Variants in EIF3L observed in about 807,000 individuals in gnomAD.
EIF3L encodes the protein eukaryotic translation initiation factor 3 subunit L.
A neutral mutation model predicts 74.6 loss-of-function variants in EIF3L; 32 were observed. The observed-to-expected ratio is 0.43, with a 90% confidence interval of 0.32 to 0.58. EIF3L has a LOEUF of 0.58. Ranked by LOEUF, EIF3L falls within the 20% of genes least tolerant of loss-of-function variation. The probability of loss-of-function intolerance (pLI) is 0.06; values close to 1 mark genes in which losing one functional copy is unlikely to be tolerated. For missense variants in EIF3L, 474 were observed against 707.8 expected, an observed-to-expected ratio of 0.67 and a Z score of 3.75; for synonymous variants, 256 against 254.4, an observed-to-expected ratio of 1.01 and a Z score of -0.06.
At chr22:37,862,632 C>T (rs2145812416) in intron 5 of EIF3L, among the ~76,000 whole-genome samples, 1 of 152,300 alleles carries the variant, frequency 6.6e-6, no homozygotes, top group East Asian at 1.9e-4. Flanking sequence ...TCTCTTAACT[C>T]CCTAGCCTTC....
intron 6 of EIF3L, 54 bp from the exon 7 acceptor site, chr22:37,863,218 A>C (rs1925954993): frequency 6.7e-7 from 1 of 1,489,940 alleles, no homozygotes; most frequent in Non-Finnish European, 9.3e-7. Context: ...TGCAGCCTAC[A>C]GAATGGGCAG....
At position 37,874,353 on chromosome 22, in the gene EIF3L, G is replaced by A. The variant is rs549079006; in HGVS notation, c.752-17G>A. 8.1e-6 allele frequency: 13 copies of A among 1,612,510 alleles called. No individual in the cohort carries two copies. Among genetic ancestry groups the A allele is most frequent in the South Asian group, 3.3e-5 (3 of 90,802 alleles). On this transcript the variant is annotated splice_polypyrimidine_tract_variant and intron_variant, in intron 8 of 12. Transcript: ENST00000652021. Reference sequence around the variant, plus strand: ...TACCTGCCTCCTATCAGTATTCACGGTGTCTGTCTCTTTCAGGTGACCCTG... The same window carrying A: ...TACCTGCCTCCTATCAGTATTCACGATGTCTGTCTCTTTCAGGTGACCCTG...
chr22:37,853,821 T>C (rs1402693791), intron 3 of EIF3L, among the ~76,000 whole-genome samples: 3 of 152,350 alleles, frequency 2.0e-5, no homozygotes, highest in South Asian at 4.1e-4. Flanking sequence ...GTTTAGATTT[T>C]ATAGAGTTTA....
In EIF3L at chr22:37,874,460, A is replaced by C; in HGVS notation, c.842A>C (p.His281Pro). ...YFSLVGLLRL[H>P]SLLGDYYQAI... ...AGCCTGGTCGGGCTTCTCCGCCTGC[A>C]CTCCCTGTTAGGAGATTACTACCAG... is the stretch of plus-strand genomic sequence containing the variant. Residue 281 changes from histidine to proline, a missense_variant, in exon 9 of 13, where the codon CAC becomes CCC. Physicochemically the swap from His to Pro is moderately conservative, Grantham distance 77 (BLOSUM62 -2). Transcript: ENST00000652021. 6.2e-7 allele frequency: 1 copy of C among 1,613,954 alleles called. No individual in the cohort carries two copies. Among genetic ancestry groups the C allele is most frequent in the Non-Finnish European group, 8.5e-7 (1 of 1,179,976 alleles).
Position 37,856,161 on chromosome 22 carries a change from G to A in EIF3L, c.373+517G>A, listed in dbSNP as rs540186472. Among the ~76,000 whole-genome samples, 628 of 151,980 alleles carry A rather than the reference G, an allele frequency of 4.1e-3. 1 individual carries two copies. Among genetic ancestry groups the A allele is most frequent in the Non-Finnish European group, 6.5e-3 (444 of 67,984 alleles). ...CAACCTCCGCCTCCCAGGTTCAAGC[G>A]ATTCTCCTAGGTTCAAGCAATTCTC... On this transcript the variant is annotated intron_variant, in intron 4 of 12. Coordinates refer to ENST00000652021, the MANE Select transcript of EIF3L (RefSeq NM_016091.4).
At chr22:37,872,447 T>C (rs1430713825) in intron 8 of EIF3L, among the ~76,000 whole-genome samples, 2 of 152,112 alleles carry the variant, frequency 1.3e-5, no homozygotes, top group African/African-American at 4.8e-5. Flanking sequence ...AAAAAAATAT[T>C]GGTTCTCTGA....
chr22:37,871,357 A>C (rs2145826545), intron 8 of EIF3L: 1 of 152,172 alleles, frequency 6.6e-6, no homozygotes, highest in South Asian at 2.1e-4. Context: ...GAAAATTTGA[A>C]ATCTGAAATG....
In EIF3L at chr22:37,874,515, G is replaced by A. The variant is rs927147139; in HGVS notation, c.897G>A (p.Leu299=). The A allele has an allele frequency of 6.2e-7, 1 of 1,613,764 alleles. No homozygotes were observed. Among genetic ancestry groups the A allele is most frequent in the Non-Finnish European group, 8.5e-7 (1 of 1,179,812 alleles). Residue 299 remains leucine (L), a synonymous_variant, in exon 9 of 13, where the codon CTG becomes CTA. Coordinates refer to ENST00000652021, the MANE Select transcript of EIF3L (RefSeq NM_016091.4). ...TCAAGGTGCTGGAGAACATCGAACT[G>A]AACAAGAAGGTGATGCCTATTGCCT... The part of the protein sequence containing the change: ...QAIKVLENIE[L]NKKSMYSRVP...
intron 8 of EIF3L, among the ~76,000 whole-genome samples, chr22:37,873,774 T>C (rs1295759509): frequency 6.6e-6 from 1 of 152,086 alleles, no homozygotes; most frequent in Non-Finnish European, 1.5e-5. Context: ...TCTCTGGTTA[T>C]TCAGATATGG....
Position 37,862,967 on chromosome 22 carries a change from A to T in EIF3L, c.436-2A>T. The T allele has an allele frequency of 6.2e-7, 1 of 1,608,200 alleles. No homozygotes were observed. The highest frequency in any genetic ancestry group is 1.1e-5 in the South Asian group (1 of 90,104). On this transcript the variant is annotated splice_acceptor_variant, in intron 5 of 12. Transcript: ENST00000652021. LOFTEE classifies it high-confidence loss of function. The stretch of plus-strand genomic sequence containing the variant: ...TCTTGATATCTCTTGTTTTCTTTAC[A>T]GGGGGGACCTTCCTTGGAGCAGAGG...
intron 7 of EIF3L, among the ~76,000 whole-genome samples, chr22:37,863,958 A>C (rs532483656): frequency 1.3e-5 from 2 of 152,152 alleles, no homozygotes; most frequent in Admixed American, 1.3e-4. Context: ...CCAGCTACTC[A>C]GTAGGCTGAG....
rs112378020 is a variant in EIF3L at position 37,858,409 on chromosome 22, T to G, written c.374-270T>G. 9.4e-4 allele frequency among the ~76,000 whole-genome samples: 142 copies of G among 151,792 alleles called. No homozygotes were observed. In the South Asian group the frequency reaches 9.6e-3, roughly 10 times the overall value. On this transcript the variant is annotated intron_variant, in intron 4 of 12. Coordinates refer to ENST00000652021, the MANE Select transcript of EIF3L (RefSeq NM_016091.4). ...TTGTCTAATTACTCTTGTGTGCTGGTTTTTTTATGCACTTGGATGGCAGAA... is the reference window on the plus strand; with the variant it reads ...TTGTCTAATTACTCTTGTGTGCTGGGTTTTTTATGCACTTGGATGGCAGAA...
At chr22:37,870,153 A>G (rs769802761) in intron 7 of EIF3L, 23 bp from the exon 8 acceptor site, 3 of 1,574,040 alleles carry the variant, frequency 1.9e-6, no homozygotes, top group Admixed American at 3.6e-5. Flanking sequence ...CCACTACTGC[A>G]TGTTTCTTTT....
Position 37,863,257 on chromosome 22 carries a change from T to A in EIF3L, c.506-15T>A, listed in dbSNP as rs1925958071. On this transcript the variant is annotated splice_polypyrimidine_tract_variant and intron_variant, in intron 6 of 12. Transcript: ENST00000652021. ...CATTGCTTTGAATCTGACTTTTCTG[T>A]GATCTCCTGCACAGATGCCGATGGT... 1 of 1,606,376 alleles carries A rather than the reference T, an allele frequency of 6.2e-7. No individual in the cohort carries two copies. The highest frequency in any genetic ancestry group is 8.5e-7 in the Non-Finnish European group (1 of 1,176,744).
At chr22:37,870,408 A>G (rs945970769) in intron 8 of EIF3L, 61 bp downstream of exon 8, 1 of 1,485,942 alleles carries the variant, frequency 6.7e-7, no homozygotes, top group African/African-American at 1.4e-5. Context: ...CATCTGTTCC[A>G]AATGAATAGA....
At chr22:37,859,353 A>G (rs1925715101) in intron 5 of EIF3L, among the ~76,000 whole-genome samples, 1 of 143,998 alleles carries the variant, frequency 6.9e-6, no homozygotes, top group Admixed American at 7.1e-5. Context: ...CGACTTCTAA[A>G]TTATAGAGTA....
At chr22:37,870,459 G>A (rs1329301626) in intron 8 of EIF3L, 112 bp downstream of exon 8, 3 of 1,080,636 alleles carry the variant, frequency 2.8e-6, no homozygotes, top group East Asian at 5.0e-5. Context: ...GTCTTAGGTG[G>A]TGGTCTGTTG....
intron 7 of EIF3L, among the ~76,000 whole-genome samples, chr22:37,865,168 T>C (rs761976054): frequency 6.6e-6 from 1 of 151,984 alleles, no homozygotes; most frequent in Non-Finnish European, 1.5e-5. Context: ...AAATAGAGAC[T>C]ACAAAACATA....
At chr22:37,857,098 A>T (rs767159008) in intron 4 of EIF3L, among the ~76,000 whole-genome samples, 4 of 151,986 alleles carry the variant, frequency 2.6e-5, no homozygotes, top group Non-Finnish European at 5.9e-5. Context: ...GCGGTGGCTC[A>T]TGCCTGTAAT....
Sources: gnomAD v4.1 joint callset for allele counts (sites outside exome capture counted in the v4.1 genomes callset) on GRCh38, gnomAD v4.1.1 for gene constraint, MANE v1.5 for transcripts, NCBI Gene and HGNC (gene_info 2026-07-23, HGNC 2026-07-21) for gene names.